COL8A1: variants seen among roughly 807,000 people sequenced by gnomAD.
The protein encoded by COL8A1 is collagen type VIII alpha 1 chain, also known as collagen alpha-1(VIII) chain.
Under a neutral mutation model 42.7 loss-of-function variants are expected in COL8A1, and 21 were observed. The observed-to-expected ratio is 0.49, with a 90% CI of 0.35 to 0.71. The LOEUF is 0.71. COL8A1 is among the 30% of genes least tolerant of loss of function. The pLI is 0.01. For missense variants in COL8A1, 788 were observed against 962.4 expected, an observed-to-expected ratio of 0.82 and a Z score of 2.40; for synonymous variants, 367 against 369.1, an observed-to-expected ratio of 0.99 and a Z score of 0.06.
chr3:99,650,352 G>A (rs1937803705), intron 1 of COL8A1, among the ~76,000 whole-genome samples: 4 of 152,184 alleles, frequency 2.6e-5, no homozygotes, highest in Non-Finnish European at 5.9e-5. Flanking sequence ...TTTCTGCAAT[G>A]ATGGAATCAT....
intron 1 of COL8A1, among the ~76,000 whole-genome samples, chr3:99,691,107 T>C (rs2107334459): frequency 6.6e-6 from 1 of 152,254 alleles, no homozygotes. Flanking sequence ...CATGCACGAA[T>C]TTCTAGAACC....
intron 1 of COL8A1, among the ~76,000 whole-genome samples, chr3:99,660,039 G>T (rs1938154514): frequency 6.6e-6 from 1 of 152,206 alleles, no homozygotes; most frequent in Admixed American, 6.5e-5. Context: ...CTGTGTGGAA[G>T]CACCAAGCCC....
chr3:99,697,176 C>CG (rs1939402713), intron 1 of COL8A1, among the ~76,000 whole-genome samples: 1 of 151,168 alleles, frequency 6.6e-6, no homozygotes, highest in South Asian at 2.1e-4. Flanking sequence ...TTAGTAGAGA[C>CG]GGGGTTTCAC....
intron 1 of COL8A1, among the ~76,000 whole-genome samples, chr3:99,709,469 A>C (rs1308045332): frequency 1.2e-4 from 18 of 152,312 alleles, no homozygotes; most frequent in Middle Eastern, 3.4e-3. Context: ...AAAGCTTGGC[A>C]GTCTCTGGCT....
In COL8A1 at chr3:99,794,668, C is replaced by T; in HGVS notation, c.767C>T (p.Pro256Leu). The change falls in exon 4 of 4, where the codon CCT becomes CTT. Residue 256 changes from proline (P) to leucine (L), a missense_variant. Physicochemically the swap from Pro to Leu is moderately conservative, Grantham distance 98 (BLOSUM62 -3). Around this residue, in one of 4 missense-constraint regions of COL8A1, gnomAD observed 421 missense variants for 553.1 expected, o/e 0.76. Transcript: ENST00000652472. This position sits in a 1 kb window ranked among gnomAD's most constrained non-coding sequence, Gnocchi z 4.3. ...CCAGGTGCGCCAGGTGTAAAGGGGC[C>T]TCCAGGGATGCACGGCCCTCCCGGC... is the stretch of plus-strand genomic sequence containing the variant. The part of the protein sequence containing the change: ...GMPGAPGVKG[P>L]PGMHGPPGPV... The T allele has an allele frequency of 6.2e-7, 1 of 1,613,698 alleles. No individual in the cohort carries two copies. Among genetic ancestry groups the T allele is most frequent in the African/African-American group, 1.3e-5 (1 of 74,978 alleles).
At chr3:99,697,048 G>A (rs1279045646) in intron 1 of COL8A1, among the ~76,000 whole-genome samples, 3 of 142,324 alleles carry the variant, frequency 2.1e-5, no homozygotes, top group Non-Finnish European at 3.0e-5. Flanking sequence ...GTGCAGTGGC[G>A]GGATCTCGGC....
rs184476675 is a variant in COL8A1 at position 99,651,922 on chromosome 3, C to T, written c.-129+13258C>T. 6.1e-4 allele frequency among the ~76,000 whole-genome samples: 93 copies of T among 152,308 alleles called. 1 individual carries two copies. The highest frequency in any genetic ancestry group is 1.0e-3 in the South Asian group (5 of 4,810). On this transcript the variant is annotated intron_variant, in intron 1 of 3. Coordinates refer to ENST00000652472, the MANE Select transcript of COL8A1 (RefSeq NM_020351.4). ...TTTCTAAAATAATAAAAGACTTTAT[C>T]CTGCTGTCATGAGCCAGACAACATC...
chr3:99,669,471 A>G (rs1056462082), intron 1 of COL8A1, among the ~76,000 whole-genome samples: 3 of 152,070 alleles, frequency 2.0e-5, no homozygotes, highest in African/African-American at 7.2e-5. Context: ...GAATGGCATA[A>G]TATCCATTAA....
In COL8A1 at chr3:99,671,406, A is replaced by G. The variant is rs1445470309; in HGVS notation, c.-129+32742A>G. 2.0e-5 allele frequency among the ~76,000 whole-genome samples: 3 copies of G among 152,038 alleles called. No individual in the cohort carries two copies. The South Asian group carries it at 6.2e-4, about 31-fold the overall frequency. On this transcript the variant is annotated intron_variant, in intron 1 of 3. Coordinates refer to ENST00000652472, the MANE Select transcript of COL8A1 (RefSeq NM_020351.4). ...GTGGTTTCCAACATGATGTTTTGAT[A>G]TTAACATACATTGTGGAATAACCAA... is the stretch of plus-strand genomic sequence containing the variant.
Position 99,796,075 on chromosome 3 carries a change from G to T in COL8A1, c.2174G>T (p.Gly725Val). Reference sequence around the variant, plus strand: ...CAGATGCCCTCAGAACAGGCTGCAGGACTGTATGCCGGGCAGTATGTCCAC... The same window carrying T: ...CAGATGCCCTCAGAACAGGCTGCAGTACTGTATGCCGGGCAGTATGTCCAC... ...FLQMPSEQAA[G>V]LYAGQYVHSS... Residue 725 changes from glycine to valine, a missense_variant, in exon 4 of 4, where the codon GGA (glycine) becomes GTA (valine). Gly to Val is a moderately radical substitution (Grantham distance 109). Coordinates refer to ENST00000652472, the MANE Select transcript of COL8A1 (RefSeq NM_020351.4). The T allele has an allele frequency of 1.3e-6, 2 of 1,596,580 alleles. No individual in the cohort carries two copies. Among genetic ancestry groups the T allele is most frequent in the Non-Finnish European group, 1.7e-6 (2 of 1,168,050 alleles).
chr3:99,788,805 T>C (rs1458542350), intron 2 of COL8A1, among the ~76,000 whole-genome samples: 1 of 152,236 alleles, frequency 6.6e-6, no homozygotes, highest in Non-Finnish European at 1.5e-5. Context: ...ATATGATATG[T>C]GCATATCCAC....
intron 2 of COL8A1, among the ~76,000 whole-genome samples, chr3:99,784,927 T>C (rs1941864415): frequency 6.7e-6 from 1 of 150,126 alleles, no homozygotes; most frequent in South Asian, 2.3e-4. Flanking sequence ...CAAAGGTACA[T>C]ATCCTTGATC....
intron 1 of COL8A1, among the ~76,000 whole-genome samples, chr3:99,693,711 A>G (rs748395524): frequency 3.3e-5 from 5 of 152,222 alleles, no homozygotes; most frequent in Non-Finnish European, 5.9e-5. Context: ...ACAATAAGCT[A>G]AGGTTAATTT....
At chr3:99,741,847 T>A (rs1373739762) in intron 1 of COL8A1, among the ~76,000 whole-genome samples, 1 of 152,152 alleles carries the variant, frequency 6.6e-6, no homozygotes, top group Middle Eastern at 3.2e-3. Context: ...TCATAAGCTC[T>A]CCCAGATTCA....
chr3:99,786,705 A>G (rs1576476537), intron 2 of COL8A1, among the ~76,000 whole-genome samples: 1 of 152,124 alleles, frequency 6.6e-6, no homozygotes, highest in South Asian at 2.1e-4. Context: ...ATAAGATAAT[A>G]CCTCCACTCT....
intron 1 of COL8A1, among the ~76,000 whole-genome samples, chr3:99,664,695 G>A (rs1938310675): frequency 6.6e-6 from 1 of 152,142 alleles, no homozygotes; most frequent in South Asian, 2.1e-4. Flanking sequence ...GGGATGGGAG[G>A]GGAGAGAAGA....
intron 1 of COL8A1, among the ~76,000 whole-genome samples, chr3:99,653,581 G>T (rs1241132114): frequency 1.3e-5 from 2 of 151,754 alleles, no homozygotes; most frequent in African/African-American, 4.8e-5. Flanking sequence ...TGTGGGTTGT[G>T]TATGTGTCTG....
At chr3:99,694,156 T>C (rs1939302529) in intron 1 of COL8A1, among the ~76,000 whole-genome samples, 1 of 152,050 alleles carries the variant, frequency 6.6e-6, no homozygotes, top group African/African-American at 2.4e-5. Context: ...TCAAAACACA[T>C]CACTATCATG....
intron 1 of COL8A1, among the ~76,000 whole-genome samples, chr3:99,715,704 A>T (rs1939975779): frequency 6.6e-6 from 1 of 151,922 alleles, no homozygotes; most frequent in Non-Finnish European, 1.5e-5. Context: ...AGAAAGAATA[A>T]TTTTTTTTCT....
Sources: gnomAD v4.1 joint callset for allele counts (sites outside exome capture counted in the v4.1 genomes callset) on GRCh38, gnomAD v4.1.1 for gene constraint, gnomAD v4.1.1 regional missense constraint, Gnocchi (gnomAD v3.1) non-coding constraint, MANE v1.5 for transcripts, NCBI Gene and HGNC (gene_info 2026-07-23, HGNC 2026-07-21) for gene names.